RASEF: variants seen among roughly 807,000 people sequenced by gnomAD.
RASEF encodes RAS and EF-hand domain containing.
RASEF carries 68 observed loss-of-function variants against 90.1 expected under a neutral mutation model. The ratio of observed to expected loss-of-function variants is 0.75; its 90% CI spans 0.62 to 0.92. RASEF has a LOEUF of 0.92. Among genes scored for constraint, RASEF ranks in the 40% least tolerant of loss-of-function variants. RASEF has a pLI of 0.00. For synonymous variants in RASEF, 331 were observed against 345.2 expected (o/e 0.96, Z 0.46); for missense variants, 949 against 937.2 (o/e 1.01, Z -0.16).
the RASEF span, among the ~76,000 whole-genome samples, chr9:83,215,327 C>G: frequency 5.9e-5 from 9 of 152,130 alleles, no homozygotes; most frequent in Non-Finnish European, 1.3e-4. Context: ...TGGCCCTCTA[C>G]CCTTGCAAAA....
At chr9:83,160,080 A>G in the RASEF span, among the ~76,000 whole-genome samples, 133,818 of 152,258 alleles carry the variant, frequency 0.88, 59,130 homozygotes, top group African/African-American at 0.97. Context: ...CCAGTCTTGG[A>G]TATGTCTTTA....
At chr9:83,058,130 C>T (rs1294658819) in intron 1 of RASEF, among the ~76,000 whole-genome samples, 1 of 148,508 alleles carries the variant, frequency 6.7e-6, no homozygotes, top group African/African-American at 2.5e-5. Context: ...CTATCTCTGG[C>T]CTTCTCTCTT....
At chr9:82,994,345 A>C (rs1046159644) in intron 14 of RASEF, among the ~76,000 whole-genome samples, 1 of 152,190 alleles carries the variant, frequency 6.6e-6, no homozygotes, top group Non-Finnish European at 1.5e-5. Context: ...CATCTAAATG[A>C]CTTCTCAAAG....
chr9:82,982,710 CT>C lies in RASEF; in HGVS notation c.2189del (p.Lys730SerfsTer5). 6.2e-7 allele frequency: 1 copy of C among 1,609,276 alleles called. No homozygotes were observed. Among genetic ancestry groups the C allele is most frequent in the African/African-American group, 1.3e-5 (1 of 74,878 alleles). ...ITNLTGTNSK[K>X]SPQMKNCCNG The stretch of plus-strand genomic sequence containing the variant: ...TGCAACAATTCTTCATCTGTGGTGA[CT>C]TTTTGGAATTGGTCCCGGTTAGATT... On this transcript the variant is annotated frameshift_variant, in exon 17 of 17. Coordinates refer to ENST00000376447, the MANE Select transcript of RASEF (RefSeq NM_152573.4). LOFTEE classifies it high-confidence loss of function.
chr9:83,039,089 C>T (rs1483756189), intron 1 of RASEF, among the ~76,000 whole-genome samples: 1 of 152,094 alleles, frequency 6.6e-6, no homozygotes, highest in Non-Finnish European at 1.5e-5. Context: ...CCTCCCTTTT[C>T]AAAGTATATT....
the RASEF span, among the ~76,000 whole-genome samples, chr9:83,214,255 G>A: frequency 1.3e-5 from 2 of 152,098 alleles, no homozygotes; most frequent in Non-Finnish European, 2.9e-5. Flanking sequence ...ATGTTGGTGT[G>A]CATCTGTAAT....
chr9:83,039,247 C>A (rs1209977140), intron 1 of RASEF, among the ~76,000 whole-genome samples: 3 of 152,144 alleles, frequency 2.0e-5, no homozygotes, highest in African/African-American at 7.2e-5. Context: ...CCCCTCCTAT[C>A]CCCTGCCACT....
intron 1 of RASEF, among the ~76,000 whole-genome samples, chr9:83,037,790 C>T (rs961104600): frequency 1.1e-4 from 13 of 116,582 alleles, no homozygotes; most frequent in African/African-American, 3.7e-4. Flanking sequence ...GCTTTCATTA[C>T]ATTTTGTTCA....
chr9:83,166,836 T>G, the RASEF span, among the ~76,000 whole-genome samples: 1 of 152,180 alleles, frequency 6.6e-6, no homozygotes, highest in Admixed American at 6.6e-5. Flanking sequence ...CACACTCAGG[T>G]AGACCCCCAG....
chr9:83,106,069 C>T, the RASEF span, among the ~76,000 whole-genome samples: 1 of 152,028 alleles, frequency 6.6e-6, no homozygotes, highest in Admixed American at 6.6e-5. Flanking sequence ...TTGTTTCCTC[C>T]ACCTTCATCT....
intron 9 of RASEF, among the ~76,000 whole-genome samples, chr9:83,003,677 G>A (rs1564073661): frequency 6.6e-6 from 1 of 152,020 alleles, no homozygotes; most frequent in East Asian, 1.9e-4. Flanking sequence ...TTCGTAACAG[G>A]TCTTCCTAAA....
intron 5 of RASEF, among the ~76,000 whole-genome samples, chr9:83,011,457 C>G (rs2118503774): frequency 7.3e-6 from 1 of 137,634 alleles, no homozygotes; most frequent in South Asian, 2.3e-4. Context: ...GAGGCTGAGG[C>G]AGGAGAATCA....
Position 82,990,402 on chromosome 9 carries a change from C to A in RASEF, c.2106G>T (p.Leu702=). Residue 702 remains leucine (L), a synonymous_variant, in exon 16 of 17, where the codon CTG becomes CTT. Transcript: ENST00000376447. The part of the protein sequence containing the change: ...KDGSNIVEAV[L]HLAREVKKRT... ...TTCCCAAACTTTACCGAGCAAGGTGCAGAACAGCCTCCACTATGTTAGAAC... is the reference window on the plus strand; with the variant it reads ...TTCCCAAACTTTACCGAGCAAGGTGAAGAACAGCCTCCACTATGTTAGAAC... 6.2e-7 allele frequency: 1 copy of A among 1,612,858 alleles called. No homozygotes were observed. Among genetic ancestry groups the A allele is most frequent in the East Asian group, 2.2e-5 (1 of 44,834 alleles).
the RASEF span, among the ~76,000 whole-genome samples, chr9:83,173,229 A>G: frequency 2.6e-5 from 4 of 151,706 alleles, no homozygotes; most frequent in East Asian, 7.8e-4. Flanking sequence ...GAGTAGTTTT[A>G]TTTGGGTTGG....
chr9:83,136,938 C>A, the RASEF span, among the ~76,000 whole-genome samples: 1 of 151,964 alleles, frequency 6.6e-6, no homozygotes, highest in Non-Finnish European at 1.5e-5. Flanking sequence ...CATCCTTTAA[C>A]AATTTTTTTT....
chr9:83,000,101 C>T (rs1411875320), intron 12 of RASEF, 68 bp downstream of exon 12: 2 of 1,431,232 alleles, frequency 1.4e-6, no homozygotes, highest in African/African-American at 2.9e-5. Context: ...TGTATGTAAT[C>T]CCTGAAGAAG....
chr9:83,074,377 C>G, the RASEF span, among the ~76,000 whole-genome samples: 1 of 152,056 alleles, frequency 6.6e-6, no homozygotes, highest in South Asian at 2.1e-4. Context: ...AATTACAAGT[C>G]TGTTGTTAGA....
chr9:83,000,211 G>A lies in RASEF; in HGVS notation c.1681C>T (p.Leu561Phe). The change falls in exon 12 of 17, where the codon CTT becomes TTT. Residue 561 changes from leucine to phenylalanine, a missense_variant. Physicochemically the swap from Leu to Phe is conservative, Grantham distance 22. Coordinates refer to ENST00000376447, the MANE Select transcript of RASEF (RefSeq NM_152573.4). ...AVGKSSFLMR[L>F]CKNEFRENIS... Reference sequence around the variant, plus strand: ...TTTTCTCGAAATTCATTCTTGCAAAGTCTCATGAGGAAACTAGACTTCCCC... The same window carrying A: ...TTTTCTCGAAATTCATTCTTGCAAAATCTCATGAGGAAACTAGACTTCCCC... The A allele has an allele frequency of 6.2e-7, 1 of 1,614,000 alleles. No homozygotes were observed. Among genetic ancestry groups the A allele is most frequent in the Non-Finnish European group, 8.5e-7 (1 of 1,179,974 alleles).
At chr9:83,200,226 T>C in the RASEF span, among the ~76,000 whole-genome samples, 2 of 152,120 alleles carry the variant, frequency 1.3e-5, 1 homozygote, top group Middle Eastern at 6.8e-3. Flanking sequence ...TAAAACCCCA[T>C]CTCTACTAAA....
Sources: allele counts gnomAD v4.1 joint callset (sites outside exome capture counted in the v4.1 genomes callset), GRCh38; gene constraint gnomAD v4.1.1; transcripts MANE v1.5; gene names NCBI Gene and HGNC (gene_info 2026-07-23, HGNC 2026-07-21).